Variants in MAD1L1 observed in about 807,000 individuals in gnomAD.
MAD1L1 encodes mitotic spindle assembly checkpoint protein MAD1.
A neutral mutation model predicts 96.9 loss-of-function variants in MAD1L1; 95 were observed. The observed-to-expected ratio is 0.98, with a 90% CI of 0.83 to 1.16. The LOEUF (loss-of-function observed/expected upper bound fraction) is 1.16. Among genes scored for constraint, MAD1L1 ranks in the 50% most tolerant of loss-of-function variants. The pLI, the probability that MAD1L1 is intolerant of heterozygous loss-of-function variation, is 0.00. For synonymous variants in MAD1L1, 473 were observed against 396.6 expected (o/e 1.19, Z -2.29); for missense variants, 1,007 against 954.4 (o/e 1.06, Z -0.73).
At chr7:2,053,560 C>T (rs954360039) in intron 12 of MAD1L1, among the ~76,000 whole-genome samples, 1 of 152,202 alleles carries the variant, frequency 6.6e-6, no homozygotes, top group Non-Finnish European at 1.5e-5. Context: ...AAGGCCCTGG[C>T]GGGCGGCAGG....
At chr7:2,220,991 A>T in intron 5 of MAD1L1, 1 of 1,612,490 alleles carries the variant, frequency 6.2e-7, no homozygotes, top group South Asian at 1.1e-5. Context: ...GCATAAGATA[A>T]TTCCAGAGTA....
At chr7:1,935,966 T>C (rs1778571911) in intron 17 of MAD1L1, among the ~76,000 whole-genome samples, 1 of 152,194 alleles carries the variant, frequency 6.6e-6, no homozygotes, top group Admixed American at 6.5e-5. Flanking sequence ...ACCAGGAGCG[T>C]GGGGCAGTGC....
At chr7:1,892,607 G>A (rs950023197) in intron 18 of MAD1L1, among the ~76,000 whole-genome samples, 1 of 152,200 alleles carries the variant, frequency 6.6e-6, no homozygotes, top group African/African-American at 2.4e-5. Context: ...TGTGGATTTT[G>A]GAACATTCCC....
At chr7:2,097,513 T>C (rs185566829) in intron 11 of MAD1L1, among the ~76,000 whole-genome samples, 3 of 151,600 alleles carry the variant, frequency 2.0e-5, no homozygotes, top group East Asian at 2.0e-4. Context: ...CGAGGAACAA[T>C]GGGTCCGAGA....
chr7:1,837,448 T>A (rs1315761905), intron 18 of MAD1L1, among the ~76,000 whole-genome samples: 1 of 152,198 alleles, frequency 6.6e-6, no homozygotes, highest in African/African-American at 2.4e-5. Flanking sequence ...GCAGTTCCGA[T>A]TTAGCCAAGA....
At chr7:1,885,933 G>A (rs1172913522) in intron 18 of MAD1L1, among the ~76,000 whole-genome samples, 2 of 152,228 alleles carry the variant, frequency 1.3e-5, no homozygotes, top group Non-Finnish European at 2.9e-5. Context: ...AGCCCTGGGG[G>A]CCACACGCCT....
chr7:1,837,306 A>G lies in MAD1L1; in HGVS notation c.1999-21078T>C, dbSNP rs1398492210. On this transcript the variant is annotated intron_variant, in intron 18 of 18. Transcript: ENST00000265854. ...TGAAATTAAAAAGACTGATCATGTC[A>G]AGTACTGGTGACCGTGTGCAGAAAC... Among the ~76,000 whole-genome samples, 3 of 152,354 alleles carry G rather than the reference A, an allele frequency of 2.0e-5. No homozygotes were observed. The East Asian group carries it at 5.8e-4, about 29-fold the overall frequency.
intron 11 of MAD1L1, among the ~76,000 whole-genome samples, chr7:2,096,875 A>G (rs1584311448): frequency 6.6e-6 from 1 of 151,966 alleles, no homozygotes; most frequent in Non-Finnish European, 1.5e-5. Context: ...CGTGGGCCCC[A>G]CCCTCATAGC....
chr7:2,191,805 G>A (rs1049762562), intron 10 of MAD1L1, among the ~76,000 whole-genome samples: 2 of 151,890 alleles, frequency 1.3e-5, no homozygotes, highest in Non-Finnish European at 2.9e-5. Context: ...GACCAAGACA[G>A]GCGGATCATG....
intron 16 of MAD1L1, among the ~76,000 whole-genome samples, chr7:1,951,946 T>C (rs924185854): frequency 6.6e-6 from 1 of 152,168 alleles, no homozygotes; most frequent in Non-Finnish European, 1.5e-5. Flanking sequence ...CTTCTGGGCA[T>C]GTACGCAGCG....
intron 12 of MAD1L1, among the ~76,000 whole-genome samples, chr7:2,068,064 C>T (rs1001561889): frequency 5.3e-5 from 8 of 152,256 alleles, no homozygotes; most frequent in African/African-American, 1.7e-4. Flanking sequence ...CCTGACCATG[C>T]AGCAGGGCTG....
chr7:1,901,354 C>T (rs1463072012), intron 17 of MAD1L1, among the ~76,000 whole-genome samples: 1 of 152,226 alleles, frequency 6.6e-6, no homozygotes, highest in East Asian at 1.9e-4. Context: ...GAGCCAAGAG[C>T]CCGGGGTTCC....
At chr7:1,974,882 C>T (rs1447718562) in intron 15 of MAD1L1, among the ~76,000 whole-genome samples, 1 of 152,226 alleles carries the variant, frequency 6.6e-6, no homozygotes, top group East Asian at 1.9e-4. Context: ...GGTGGGCAGG[C>T]TTTCGGAGAG....
rs60466584 is a variant in MAD1L1 at position 2,038,498 on chromosome 7, C to CTTTTT, written c.1219-23861_1219-23857dup. Among the ~76,000 whole-genome samples, 196 of 92,862 alleles carry CTTTTT rather than the reference C, an allele frequency of 2.1e-3. 6 individuals are homozygous for CTTTTT. Among genetic ancestry groups the CTTTTT allele is most frequent in the Middle Eastern group, 6.2e-3 (1 of 162 alleles). The allele number at this position is 92,862 out of a possible 152,430, so 60.9% of individuals were successfully genotyped here. The stretch of plus-strand genomic sequence containing the variant: ...TGTTAGGAGATAATGAAGCTGATGA[C>CTTTTT]TTTTTTTTTTTTTTTTTTTTTTTTT... On this transcript the variant is annotated intron_variant, in intron 12 of 18. Coordinates refer to ENST00000265854, the MANE Select transcript of MAD1L1 (RefSeq NM_001013836.2).
At position 2,132,012 on chromosome 7, in the gene MAD1L1, G is replaced by A. The variant is rs373727279; in HGVS notation, c.1073+17140C>T. Among the ~76,000 whole-genome samples, 19 of 152,294 alleles carry A rather than the reference G, an allele frequency of 1.2e-4. No homozygotes were observed. The South Asian group carries it at 1.9e-3, about 15-fold the overall frequency. On this transcript the variant is annotated intron_variant, in intron 11 of 18. Coordinates refer to ENST00000265854, the MANE Select transcript of MAD1L1 (RefSeq NM_001013836.2). ...ACCCGCCGCGGCGCTGCCTCCTGACGCTCAGCGTGGTCCCTCTCTTCTCCA... is the reference window on the plus strand; with the variant it reads ...ACCCGCCGCGGCGCTGCCTCCTGACACTCAGCGTGGTCCCTCTCTTCTCCA...
At chr7:2,227,054 G>C (rs934492603) in intron 3 of MAD1L1, among the ~76,000 whole-genome samples, 2 of 151,594 alleles carry the variant, frequency 1.3e-5, no homozygotes, top group Non-Finnish European at 2.9e-5. Flanking sequence ...AGCAGTTCGG[G>C]GGGCCAAGGT....
chr7:1,916,819 A>G (rs995685765), intron 17 of MAD1L1, among the ~76,000 whole-genome samples: 2 of 152,120 alleles, frequency 1.3e-5, no homozygotes, highest in African/African-American at 4.8e-5. Flanking sequence ...CTGCATGAAC[A>G]GCCCGGGCAC....
At chr7:2,137,227 C>T (rs1788795998) in intron 11 of MAD1L1, among the ~76,000 whole-genome samples, 1 of 152,234 alleles carries the variant, frequency 6.6e-6, no homozygotes. Flanking sequence ...CTTCCTGAAG[C>T]AACAATAAAC....
chr7:1,926,018 C>G (rs1367933740), intron 17 of MAD1L1, among the ~76,000 whole-genome samples: 1 of 141,798 alleles, frequency 7.1e-6, no homozygotes, highest in Admixed American at 7.1e-5. Flanking sequence ...GGCTAACAGA[C>G]AAAAAAAGAA....
Sources: gnomAD v4.1 joint callset for allele counts (sites outside exome capture counted in the v4.1 genomes callset) on GRCh38, gnomAD v4.1.1 for gene constraint, MANE v1.5 for transcripts, NCBI Gene and HGNC (gene_info 2026-07-23, HGNC 2026-07-21) for gene names.